SGMS1: variants seen among roughly 807,000 people sequenced by gnomAD.
SGMS1 encodes sphingomyelin synthase 1.
In SGMS1, 13 loss-of-function variants were observed where a neutral mutation model predicts 46.2. The ratio of observed to expected loss-of-function variants is 0.28; its 90% CI spans 0.18 to 0.45. SGMS1 has a LOEUF of 0.45. SGMS1 is among the 20% of genes least tolerant of loss of function. The pLI is 1.00. For synonymous variants in SGMS1, 203 were observed against 187.8 expected, an observed-to-expected ratio of 1.08 and a Z score of -0.66; for missense variants, 324 against 519.9, an observed-to-expected ratio of 0.62 and a Z score of 3.66.
chr10:50,467,553 T>C (rs1339531698), intron 3 of SGMS1, among the ~76,000 whole-genome samples: 2 of 152,180 alleles, frequency 1.3e-5, no homozygotes, highest in South Asian at 2.1e-4. Flanking sequence ...TTAGGGTACA[T>C]GCAGAAAGGG....
intron 6 of SGMS1, among the ~76,000 whole-genome samples, chr10:50,429,372 C>T (rs1233663556): frequency 6.6e-6 from 1 of 152,156 alleles, no homozygotes; most frequent in African/African-American, 2.4e-5. Flanking sequence ...AGCCTAGGAG[C>T]CACAGCCTAT....
intron 8 of SGMS1, among the ~76,000 whole-genome samples, chr10:50,322,838 C>CAAAA (rs58049533): frequency 9.2e-4 from 47 of 51,306 alleles, no homozygotes; most frequent in East Asian, 1.6e-3. Flanking sequence ...GACTCCGTCT[C>CAAAA]AAAAAAAAAA....
At chr10:50,500,219 G>T (rs2133755190) in intron 3 of SGMS1, among the ~76,000 whole-genome samples, 1 of 152,186 alleles carries the variant, frequency 6.6e-6, no homozygotes, top group South Asian at 2.1e-4. Flanking sequence ...ATCTGTTGTA[G>T]ATTTCCTGGG....
chr10:50,590,780 A>G (rs1454326509), intron 1 of SGMS1: 2 of 152,182 alleles, frequency 1.3e-5, no homozygotes, highest in African/African-American at 4.8e-5. Flanking sequence ...TCAAATATAC[A>G]TTATTATTCC....
chr10:50,442,284 C>T (rs1016727114), intron 5 of SGMS1, among the ~76,000 whole-genome samples: 2 of 151,624 alleles, frequency 1.3e-5, no homozygotes, highest in Admixed American at 6.6e-5. Flanking sequence ...TATTTCGTCA[C>T]CCAAGTATTA....
At chr10:50,536,890 T>G (rs1838006860) in intron 2 of SGMS1, among the ~76,000 whole-genome samples, 1 of 152,246 alleles carries the variant, frequency 6.6e-6, no homozygotes, top group African/African-American at 2.4e-5. Context: ...TTGGACATCA[T>G]CTGGGTTGCT....
chr10:50,475,497 T>G (rs1380113096), intron 3 of SGMS1, among the ~76,000 whole-genome samples: 2 of 152,224 alleles, frequency 1.3e-5, no homozygotes, highest in Non-Finnish European at 2.9e-5. Flanking sequence ...AGAAAGGTAT[T>G]TGTTGTTCAC....
intron 3 of SGMS1, among the ~76,000 whole-genome samples, chr10:50,479,563 C>T (rs3011787): frequency 0.17 from 25,528 of 151,896 alleles, 2,777 homozygotes; most frequent in Non-Finnish European, 0.25. Flanking sequence ...CTTTCTGAAC[C>T]GCATTATATT....
chr10:50,566,493 T>A (rs562198830), intron 2 of SGMS1, among the ~76,000 whole-genome samples: 1 of 152,334 alleles, frequency 6.6e-6, no homozygotes, highest in African/African-American at 2.4e-5. Context: ...ACTGGAAGGC[T>A]ATGGGTTATT....
intron 3 of SGMS1, among the ~76,000 whole-genome samples, chr10:50,487,263 G>A (rs1277716063): frequency 2.0e-5 from 3 of 152,124 alleles, no homozygotes; most frequent in Non-Finnish European, 4.4e-5. Context: ...TGCTCTCATT[G>A]ATAAGTGGGA....
intron 6 of SGMS1, among the ~76,000 whole-genome samples, chr10:50,400,004 G>T (rs557716930): frequency 4.6e-5 from 7 of 151,062 alleles, no homozygotes; most frequent in African/African-American, 1.7e-4. Context: ...ACTCCAGCCT[G>T]GGCGACACAG....
chr10:50,469,627 C>T (rs182059735), intron 3 of SGMS1, among the ~76,000 whole-genome samples: 106 of 152,256 alleles, frequency 7.0e-4, no homozygotes, highest in Middle Eastern at 6.8e-3. Flanking sequence ...GAGCAAAGTA[C>T]GGCATGAGTC....
chr10:50,539,806 G>A (rs1013595565), intron 2 of SGMS1, among the ~76,000 whole-genome samples: 2 of 152,118 alleles, frequency 1.3e-5, no homozygotes, highest in African/African-American at 2.4e-5. Context: ...TAAACATTAA[G>A]TAAAAGTCCA....
At chr10:50,576,547 T>C (rs571733682) in intron 2 of SGMS1, among the ~76,000 whole-genome samples, 68 of 152,348 alleles carry the variant, frequency 4.5e-4, no homozygotes, top group African/African-American at 1.6e-3. Context: ...AATATTTCAT[T>C]CATGCTCTGT....
intron 1 of SGMS1, among the ~76,000 whole-genome samples, chr10:50,600,137 C>T (rs1313874515): frequency 1.3e-5 from 2 of 152,212 alleles, no homozygotes; most frequent in Non-Finnish European, 2.9e-5. Flanking sequence ...AGAATGCCCA[C>T]ATGCAAAGTT....
chr10:50,603,109 C>A (rs187008472), intron 1 of SGMS1, among the ~76,000 whole-genome samples: 1 of 152,324 alleles, frequency 6.6e-6, no homozygotes, highest in East Asian at 1.9e-4. Flanking sequence ...CATTCTAAAA[C>A]CTTTTGCCTC....
At chr10:50,472,768 T>C (rs1004431723) in intron 3 of SGMS1, 5 of 152,178 alleles carry the variant, frequency 3.3e-5, no homozygotes, top group African/African-American at 1.2e-4. Flanking sequence ...TCCATGATGA[T>C]TGTATTAATT....
In SGMS1 at chr10:50,344,106, T is replaced by C; in HGVS notation, c.9A>G (p.Glu3=). 6.2e-7 allele frequency: 1 copy of C among 1,606,440 alleles called. No individual in the cohort carries two copies. Among genetic ancestry groups the C allele is most frequent in the Non-Finnish European group, 8.5e-7 (1 of 1,176,280 alleles). The change falls in exon 7 of 11, where the codon GAA becomes GAG. Residue 3 remains glutamate, a synonymous_variant. Transcript: ENST00000361781. ...CCTTCTTGGGTGACCAATAAACCAC[T>C]TCCTTCATTGTACTGGCAGACAGCA... The part of the protein sequence containing the change: MK[E]VVYWSPKKVA...
At chr10:50,518,975 G>A (rs1237592512) in intron 3 of SGMS1, among the ~76,000 whole-genome samples, 1 of 152,096 alleles carries the variant, frequency 6.6e-6, no homozygotes, top group African/African-American at 2.4e-5. Context: ...AAGATTGGAG[G>A]GAAGGGAGAC....
Sources: allele counts gnomAD v4.1 joint callset (sites outside exome capture counted in the v4.1 genomes callset), GRCh38; gene constraint gnomAD v4.1.1; transcripts MANE v1.5; gene names NCBI Gene and HGNC (gene_info 2026-07-23, HGNC 2026-07-21).